Variants in BTBD16 observed in about 807,000 individuals in gnomAD.
BTBD16 encodes the protein BTB/POZ domain-containing protein 16.
Under a neutral mutation model 67.4 loss-of-function variants are expected in BTBD16, and 66 were observed. That is an observed-to-expected ratio of 0.98 (90% CI 0.80 to 1.20). BTBD16 has a LOEUF of 1.20. Ranked by LOEUF, BTBD16 falls within the 50% of genes most tolerant of loss-of-function variation. BTBD16 has a pLI of 0.00. For synonymous variants in BTBD16, 242 were observed against 236.4 expected, an observed-to-expected ratio of 1.02 and a Z score of -0.22; for missense variants, 634 against 616.0, an observed-to-expected ratio of 1.03 and a Z score of -0.31.
chr10:122,335,899 C>T (rs2096462562), intron 14 of BTBD16, among the ~76,000 whole-genome samples: 1 of 152,040 alleles, frequency 6.6e-6, no homozygotes, highest in Non-Finnish European at 1.5e-5. Context: ...GATGGAGTCT[C>T]ACTCTGTTGC....
At chr10:122,287,307 T>C (rs1282247381) in intron 5 of BTBD16, 9 of 481,236 alleles carry the variant, frequency 1.9e-5, no homozygotes, top group Non-Finnish European at 2.4e-5. Flanking sequence ...TGAAAGGCTC[T>C]GGTGAGCCAG....
At chr10:122,304,882 T>A (rs1230261030) in intron 9 of BTBD16, among the ~76,000 whole-genome samples, 8 of 152,316 alleles carry the variant, frequency 5.3e-5, no homozygotes, top group Middle Eastern at 6.8e-3. Context: ...TGCTCATTTA[T>A]GGAGGAGAGG....
Position 122,286,200 on chromosome 10 carries a change from G to C in BTBD16, c.337G>C (p.Ala113Pro). ...GGCCAAGCTCTACCTGAAAGCCCTG[G>C]CGCAGGGCACCACACACCCCCTGAG... ...TLAKLYLKAL[A>P]QGTTHPLREL... The change falls in exon 5 of 16, where the codon GCG becomes CCG. Residue 113 changes from alanine (A) to proline (P), a missense_variant. Physicochemically the swap from Ala to Pro is conservative, Grantham distance 27. Coordinates refer to ENST00000260723, the MANE Select transcript of BTBD16 (RefSeq NM_144587.5). The C allele has an allele frequency of 1.2e-6, 2 of 1,613,938 alleles. No homozygotes were observed. The highest frequency in any genetic ancestry group is 2.2e-5 in the South Asian group (2 of 91,036).
chr10:122,305,728 C>T (rs1483756834), intron 9 of BTBD16, among the ~76,000 whole-genome samples: 3 of 152,194 alleles, frequency 2.0e-5, no homozygotes, highest in Non-Finnish European at 2.9e-5. Context: ...TTTCAATCCT[C>T]GCCCTCTTCC....
intron 10 of BTBD16, among the ~76,000 whole-genome samples, chr10:122,326,626 A>G (rs558624722): frequency 4.6e-5 from 7 of 152,262 alleles, no homozygotes; most frequent in African/African-American, 1.7e-4. Flanking sequence ...TCTAAAATAC[A>G]ATATGTACCC....
intron 10 of BTBD16, among the ~76,000 whole-genome samples, chr10:122,321,751 A>G (rs981665388): frequency 2.0e-5 from 3 of 152,036 alleles, no homozygotes; most frequent in Admixed American, 6.6e-5. Context: ...ATTTGGGGGT[A>G]TTATACCTTT....
intron 2 of BTBD16, 165 bp from the exon 3 acceptor site, chr10:122,276,626 T>C (rs6585808): frequency 0.39 from 160,228 of 412,030 alleles, 33,079 homozygotes; most frequent in East Asian, 0.62. Context: ...TGGAATACAG[T>C]GTCTTTGCCT....
intron 10 of BTBD16, among the ~76,000 whole-genome samples, chr10:122,327,864 G>A (rs1214411005): frequency 6.6e-6 from 1 of 152,202 alleles, no homozygotes; most frequent in Non-Finnish European, 1.5e-5. Context: ...GGCGTCTGGA[G>A]CTTCCTGGTG....
At position 122,303,428 on chromosome 10, in the gene BTBD16, A is replaced by G. The variant is rs114084462; in HGVS notation, c.792-3761A>G. ...CTCCATGTTGATATTTGCATATCTA[A>G]TGAGCATTTAAAATTTTAATTGTAA... is the stretch of plus-strand genomic sequence containing the variant. On this transcript the variant is annotated intron_variant, in intron 9 of 15. Transcript: ENST00000260723. Among the ~76,000 whole-genome samples, 665 of 152,374 alleles carry G rather than the reference A, an allele frequency of 4.4e-3. 3 individuals are homozygous for G. Among genetic ancestry groups the G allele is most frequent in the African/African-American group, 0.015 (610 of 41,598 alleles).
intron 11 of BTBD16, 92 bp from the exon 12 acceptor site, chr10:122,331,084 C>G: frequency 6.6e-7 from 1 of 1,522,168 alleles, no homozygotes; most frequent in Non-Finnish European, 8.8e-7. Context: ...TCCCTCAGCT[C>G]CGGACTTCTT....
At position 122,273,041 on chromosome 10, in the gene BTBD16, C is replaced by T. The variant is rs116490975; in HGVS notation, c.-43+1527C>T. 3.4e-3 allele frequency among the ~76,000 whole-genome samples: 509 copies of T among 151,908 alleles called. 4 individuals carry two copies. Among genetic ancestry groups the T allele is most frequent in the African/African-American group, 0.011 (459 of 41,384 alleles). Reference sequence around the variant, plus strand: ...GCAAAAATAAATACGATGATACTACCTAGTACTAAAGATGTTGTGAAAAAA... The same window carrying T: ...GCAAAAATAAATACGATGATACTACTTAGTACTAAAGATGTTGTGAAAAAA... On this transcript the variant is annotated intron_variant, in intron 1 of 15. Transcript: ENST00000260723.
chr10:122,318,232 A>G (rs2096429590), intron 10 of BTBD16, among the ~76,000 whole-genome samples: 1 of 152,174 alleles, frequency 6.6e-6, no homozygotes, highest in African/African-American at 2.4e-5. Context: ...ATATAAATAA[A>G]TCATGGAGTC....
At chr10:122,337,381 G>T (rs187111173) in intron 15 of BTBD16, among the ~76,000 whole-genome samples, 1 of 152,314 alleles carries the variant, frequency 6.6e-6, no homozygotes, top group Non-Finnish European at 1.5e-5. Flanking sequence ...TGGGGGTGAG[G>T]GAGAGGGGCT....
chr10:122,304,544 G>A (rs1359486429), intron 9 of BTBD16, among the ~76,000 whole-genome samples: 2 of 145,096 alleles, frequency 1.4e-5, no homozygotes, highest in East Asian at 2.2e-4. Flanking sequence ...CGGGGTAGCA[G>A]GTATTCTTTT....
chr10:122,329,735 C>G (rs912049780), intron 11 of BTBD16, among the ~76,000 whole-genome samples, 164 bp downstream of exon 11: 1 of 152,210 alleles, frequency 6.6e-6, no homozygotes, highest in Non-Finnish European at 1.5e-5. Context: ...CATGTAGCCT[C>G]TTGGTCTTAC....
intron 10 of BTBD16, among the ~76,000 whole-genome samples, chr10:122,325,806 G>T (rs1018285638): frequency 6.6e-5 from 10 of 152,026 alleles, no homozygotes; most frequent in African/African-American, 2.4e-4. Flanking sequence ...CACCCGAGTA[G>T]CTGGGATTAC....
chr10:122,286,115 C>T lies in BTBD16; in HGVS notation c.252C>T (p.Leu84=), dbSNP rs116148135. 1.7e-3 allele frequency: 2,737 copies of T among 1,613,344 alleles called. 42 individuals carry two copies. In the African/African-American group the frequency reaches 0.032, roughly 19 times the overall value. ...DIQSGEADVI[L]ECLGFKWELH... ...ATTTTCTGTCCTCAGATGTGATTCT[C>T]GAGTGCCTGGGCTTCAAATGGGAGC... The change falls in exon 5 of 16, where the codon CTC becomes CTT. Residue 84 remains leucine, a synonymous_variant. Coordinates refer to ENST00000260723, the MANE Select transcript of BTBD16 (RefSeq NM_144587.5).
At position 122,307,308 on chromosome 10, in the gene BTBD16, G is replaced by A; in HGVS notation, c.911G>A (p.Ser304Asn). ...TYETVMTFFK[S>N]FPENCCFLDR... ...GAAACCGTGATGACATTTTTTAAGA[G>A]GTAATATAACTTAGTGTTGATTGAT... The change falls in exon 10 of 16, where the codon AGC becomes AAC. Residue 304 changes from serine to asparagine, a missense_variant and splice_region_variant. Ser to Asn is a conservative substitution (Grantham distance 46, BLOSUM62 1). Transcript: ENST00000260723. The A allele has an allele frequency of 6.2e-7, 1 of 1,603,320 alleles. No individual in the cohort carries two copies. Among genetic ancestry groups the A allele is most frequent in the Non-Finnish European group, 8.5e-7 (1 of 1,176,666 alleles).
intron 12 of BTBD16, 25 bp downstream of exon 12, chr10:122,331,283 A>G (rs998489669): frequency 1.8e-5 from 29 of 1,605,544 alleles, no homozygotes; most frequent in Non-Finnish European, 2.0e-5. Context: ...CTGCAAGGAC[A>G]CAGTTGTCGA....
Sources: gnomAD v4.1 joint callset for allele counts (sites outside exome capture counted in the v4.1 genomes callset) on GRCh38, gnomAD v4.1.1 for gene constraint, MANE v1.5 for transcripts, NCBI Gene and HGNC (gene_info 2026-07-23, HGNC 2026-07-21) for gene names.